FASTK: variants seen among roughly 807,000 people sequenced by gnomAD.
FASTK encodes fas-activated serine/threonine kinase.
FASTK carries 28 observed loss-of-function variants against 60.0 expected under a neutral mutation model. The ratio of observed to expected loss-of-function variants is 0.47; its 90% CI spans 0.35 to 0.64. The LOEUF is 0.64. FASTK is among the 30% of genes least tolerant of loss of function. FASTK has a pLI of 0.01. For synonymous variants in FASTK, 325 were observed against 307.9 expected (o/e 1.06, Z -0.58); for missense variants, 595 against 713.8 (o/e 0.83, Z 1.90).
rs753781234 is a variant in FASTK, at chr7:151,078,867, C to T, written c.660G>A (p.Arg220=). The change falls in exon 3 of 10, where the codon CGG becomes CGA. Residue 220 remains arginine, a synonymous_variant. Transcript: ENST00000297532. ...CTGCCAGGCTGCTGATCAGATGCTG[C>T]CGTGGATACCGCAGAAAACGGGGGC... ...LSCPRFLRYP[R]QHLISSLAEA... 2.4e-5 allele frequency: 38 copies of T among 1,606,554 alleles called. No individual in the cohort carries two copies. The highest frequency in any genetic ancestry group is 3.2e-5 in the Non-Finnish European group (38 of 1,177,722).
intron 3 of FASTK, 34 bp downstream of exon 3, chr7:151,078,808 C>T (rs181377513): frequency 2.1e-4 from 342 of 1,608,074 alleles, no homozygotes; most frequent in Non-Finnish European, 2.4e-4. Flanking sequence ...GTCAGCCCTC[C>T]CCACCCCCAT....
chr7:151,077,785 G>C lies in FASTK; in HGVS notation c.1040-5C>G, dbSNP rs1347269713. 2 of 1,594,380 alleles carry C rather than the reference G, an allele frequency of 1.3e-6. No homozygotes were observed. The highest frequency in any genetic ancestry group is 1.7e-6 in the Non-Finnish European group (2 of 1,166,366). On this transcript the variant is annotated splice_region_variant and splice_polypyrimidine_tract_variant and intron_variant, in intron 5 of 9. Transcript: ENST00000297532. Reference sequence around the variant, plus strand: ...CAATCAGAGCATGAGGGGTGCCTGTGGGGAGGCGGGGACTGGGGCTCTGGG... The same window carrying C: ...CAATCAGAGCATGAGGGGTGCCTGTCGGGAGGCGGGGACTGGGGCTCTGGG...
chr7:151,077,831 C>T, intron 5 of FASTK, 48 bp downstream of exon 5: 1 of 1,597,758 alleles, frequency 6.3e-7, no homozygotes, highest in Non-Finnish European at 8.6e-7. Flanking sequence ...CCCTGCTCCC[C>T]TGCCTCTCCA....
intron 1 of FASTK, 135 bp from the exon 2 acceptor site, chr7:151,080,057 C>T: frequency 2.8e-6 from 2 of 708,090 alleles, no homozygotes; most frequent in South Asian, 3.9e-5. Flanking sequence ...GGGCCTCTTC[C>T]CCACCCCGCC....
intron 2 of FASTK, 120 bp downstream of exon 2, chr7:151,079,380 G>T: frequency 1.0e-6 from 1 of 984,902 alleles, no homozygotes; most frequent in Non-Finnish European, 1.5e-6. Context: ...ACGGGAGCAG[G>T]AGCAAGCGTT....
In FASTK at chr7:151,077,911, A is replaced by G. The variant is rs1459801494; in HGVS notation, c.1007T>C (p.Val336Ala). Residue 336 changes from valine (V) to alanine (A), a missense_variant, in exon 5 of 10, where the codon GTT becomes GCT. Transcript: ENST00000297532. ...RCLPFRALHF[V>A]FSPGFINYIS... ...GTAGTTGATGAAGCCAGGGGAAAAA[A>G]CAAAGTGCAGGGCTCTGAAGGGCAG... 2 of 1,613,600 alleles carry G rather than the reference A, an allele frequency of 1.2e-6. No individual in the cohort carries two copies. The highest frequency in any genetic ancestry group is 1.3e-5 in the African/African-American group (1 of 74,918).
At chr7:151,080,515 G>T in intron 1 of FASTK, 170 bp downstream of exon 1, 1 of 1,285,326 alleles carries the variant, frequency 7.8e-7, no homozygotes, top group Non-Finnish European at 9.8e-7. Flanking sequence ...CGCCCACCTC[G>T]CAGGGCGCGC....
At chr7:151,080,490 GA>G in intron 1 of FASTK, 194 bp downstream of exon 1, 1 of 1,286,746 alleles carries the variant, frequency 7.8e-7, no homozygotes, top group Non-Finnish European at 9.8e-7. Context: ...CCTCACCCGT[GA>G]AATGAAAACG....
rs780873846 is a variant in FASTK, at chr7:151,077,737, C to T, written c.1083G>A (p.Leu361=). The change falls in exon 6 of 10, where the codon CTG becomes CTA. Residue 361 remains leucine, a synonymous_variant. Coordinates refer to ENST00000297532, the MANE Select transcript of FASTK (RefSeq NM_006712.5). ...GGAGCTCCAGCTCCACGGCCGTGTC[C>T]AGCAGGGAGAGGTAGCGACGCACAA... ...ALIVRRYLSL[L]DTAVELELPG... is the part of the protein sequence containing the mutation. The T allele has an allele frequency of 6.3e-7, 1 of 1,596,720 alleles. No homozygotes were observed. Among genetic ancestry groups the T allele is most frequent in the Non-Finnish European group, 8.5e-7 (1 of 1,170,544 alleles).
rs760941342 is a variant in FASTK at position 151,076,686 on chromosome 7, C to A, written c.*39G>T. ...GGGAACCAAAGTGCAAATCATCCAC[C>A]CCCCATGGGGGGGCCATCCTGAACC... On this transcript the variant is annotated 3_prime_UTR_variant, in exon 10 of 10. Transcript: ENST00000297532. 2 of 1,316,840 alleles carry A rather than the reference C, an allele frequency of 1.5e-6. No individual in the cohort carries two copies. The highest frequency in any genetic ancestry group is 2.8e-5 in the South Asian group (2 of 71,488). 81.6% of individuals were successfully genotyped at this position (1,316,840 alleles called of 1,614,324 possible). A position where few individuals can be genotyped will look rare whatever the true frequency, so the allele number is the denominator to read the frequency against.
intron 4 of FASTK, 58 bp from the exon 5 acceptor site, chr7:151,078,150 C>CA: frequency 7.4e-7 from 1 of 1,342,374 alleles, no homozygotes; most frequent in Admixed American, 2.0e-5. Flanking sequence ...TCATCTTTTA[C>CA]AAGCTAAGCC....
intron 1 of FASTK, chr7:151,080,321 G>A: frequency 2.1e-6 from 1 of 480,042 alleles, no homozygotes; most frequent in Admixed American, 4.6e-5. Context: ...GGCGGCACCG[G>A]CGTGCACTCT....
chr7:151,077,491 C>A, intron 6 of FASTK, 90 bp from the exon 7 acceptor site: 1 of 1,526,724 alleles, frequency 6.5e-7, no homozygotes, highest in Non-Finnish European at 9.0e-7. Flanking sequence ...GCAAAGCCCT[C>A]TGCTGCTTCA....
intron 6 of FASTK, 77 bp from the exon 7 acceptor site, chr7:151,077,478 T>C: frequency 6.5e-7 from 1 of 1,545,008 alleles, no homozygotes; most frequent in Middle Eastern, 1.7e-4. Context: ...GCCACCACCC[T>C]GGGCAAAGCC....
At chr7:151,080,325 G>A in intron 1 of FASTK, 1 of 502,862 alleles carries the variant, frequency 2.0e-6, no homozygotes, top group South Asian at 5.5e-5. Flanking sequence ...GCACCGGCGT[G>A]CACTCTCCCG....
intron 1 of FASTK, 123 bp downstream of exon 1, chr7:151,080,562 G>A: frequency 7.6e-7 from 1 of 1,317,370 alleles, no homozygotes; most frequent in African/African-American, 1.5e-5. Flanking sequence ...ATGGCGCGGA[G>A]TCGGCGAAGT....
rs1214569809 is a variant in FASTK at position 151,080,742 on chromosome 7, C to T, written c.25G>A (p.Gly9Ser). The T allele has an allele frequency of 7.6e-7, 1 of 1,312,776 alleles. No homozygotes were observed. Among genetic ancestry groups the T allele is most frequent in the East Asian group, 3.1e-5 (1 of 31,984 alleles). The allele number at this position is 1,312,776 out of a possible 1,614,324, so 81.3% of individuals were successfully genotyped here. The change falls in exon 1 of 10, where the codon GGC becomes AGC. Residue 9 changes from glycine to serine, a missense_variant. Gly to Ser is a moderately conservative substitution (Grantham distance 56). This residue lies in a region of FASTK where 124 missense variants were observed against 107.9 expected (regional missense o/e 1.15). Transcript: ENST00000297532. ...TCAGTCGGTCTCGGGGCCCGGGGGC[C>T]GGGTTCCCCCCGCGGCCTCCTCATC... MRRPRGEP[G>S]PRAPRPTEGA... is the part of the protein sequence containing the mutation.
At position 151,077,757 on chromosome 7, in the gene FASTK, G is replaced by A. The variant is rs201985792; in HGVS notation, c.1063C>T (p.Arg355Cys). The part of the protein sequence containing the change: ...ISGTPHALIV[R>C]RYLSLLDTAV... ...GTGTCCAGCAGGGAGAGGTAGCGAC[G>A]CACAATCAGAGCATGAGGGGTGCCT... Residue 355 changes from arginine to cysteine, a missense_variant, in exon 6 of 10, where the codon CGT (arginine) becomes TGT (cysteine). By Grantham distance (180) the Arg-to-Cys change is radical. Coordinates refer to ENST00000297532, the MANE Select transcript of FASTK (RefSeq NM_006712.5). The A allele has an allele frequency of 3.1e-6, 5 of 1,597,444 alleles. No individual in the cohort carries two copies. The African/African-American group carries it at 4.0e-5, about 13-fold the overall frequency.
At chr7:151,080,191 A>T in intron 1 of FASTK, 1 of 459,988 alleles carries the variant, frequency 2.2e-6, no homozygotes, top group Non-Finnish European at 3.8e-6. Context: ...CATGAAGAGT[A>T]GGCAGGGCTG....
Sources: allele counts gnomAD v4.1 joint callset, GRCh38; gene constraint gnomAD v4.1.1; regional missense constraint gnomAD v4.1.1; transcripts MANE v1.5; gene names NCBI Gene and HGNC (gene_info 2026-07-23, HGNC 2026-07-21).